The following C16orf96 variants were observed in gnomAD, a reference collection of about 807,000 sequenced individuals.
C16orf96 encodes the protein uncharacterized protein C16orf96.
Under a neutral mutation model 103.6 loss-of-function variants are expected in C16orf96, and 108 were observed. The ratio of observed to expected loss-of-function variants is 1.04; its 90% CI spans 0.89 to 1.22. The LOEUF (loss-of-function observed/expected upper bound fraction) is 1.22, where lower values mean the gene tolerates loss of function less well. C16orf96 is among the 50% of genes most tolerant of loss of function. The pLI, the probability that C16orf96 is intolerant of heterozygous loss-of-function variation, is 0.00. For missense variants in C16orf96, 1,586 were observed against 1,464.2 expected (o/e 1.08, Z -1.36); for synonymous variants, 566 against 593.5 (o/e 0.95, Z 0.67).
chr16:4,595,077 G>A (rs556381653), intron 14 of C16orf96, among the ~76,000 whole-genome samples: 8 of 152,346 alleles, frequency 5.3e-5, no homozygotes, highest in Admixed American at 5.2e-4. Context: ...CTGTGACGAA[G>A]GACGATGAGC....
intron 1 of C16orf96, chr16:4,561,758 A>G (rs841207): frequency 0.96 from 145,455 of 152,282 alleles, 69,820 homozygotes; most frequent in East Asian, 1. Flanking sequence ...TTCTAGAATG[A>G]TGCAAACTGC....
Position 4,579,995 on chromosome 16 carries a change from T to G in C16orf96, c.2242-20T>G. On this transcript the variant is annotated intron_variant, in intron 6 of 15. Coordinates refer to ENST00000444310, the MANE Select transcript of C16orf96 (RefSeq NM_001145011.2). ...ACTTCAGAAGCAGAGGCCTGGGGTGTCTGTGTCTCCCCCTTTTAGGAGGAA... is the reference window on the plus strand; with the variant it reads ...ACTTCAGAAGCAGAGGCCTGGGGTGGCTGTGTCTCCCCCTTTTAGGAGGAA... The G allele has an allele frequency of 6.5e-7, 1 of 1,532,628 alleles. No homozygotes were observed. Among genetic ancestry groups the G allele is most frequent in the East Asian group, 2.5e-5 (1 of 40,790 alleles). 94.9% of individuals were successfully genotyped at this position (1,532,628 alleles called of 1,614,324 possible).
chr16:4,552,711 T>C (rs957270016), upstream of C16orf96, among the ~76,000 whole-genome samples: 40 of 152,014 alleles, frequency 2.6e-4, no homozygotes, highest in Middle Eastern at 3.2e-3. Flanking sequence ...TGGGTCACAG[T>C]GTGTGCAATT....
chr16:4,560,856 T>C (rs1353827845), intron 1 of C16orf96: 4 of 151,684 alleles, frequency 2.6e-5, no homozygotes, highest in African/African-American at 4.8e-5. Context: ...AGTAAAATGA[T>C]ATAAAAAGAT....
chr16:4,572,257 A>G (rs1460705934), intron 2 of C16orf96, among the ~76,000 whole-genome samples: 2 of 151,686 alleles, frequency 1.3e-5, no homozygotes, highest in African/African-American at 2.4e-5. Context: ...TCATTTACTA[A>G]AAGGTCCAGG....
intron 11 of C16orf96, 119 bp downstream of exon 11, chr16:4,592,486 C>A: frequency 8.4e-7 from 1 of 1,185,286 alleles, no homozygotes; most frequent in Non-Finnish European, 1.2e-6. Context: ...CATCCATATA[C>A]AGCATTCTCT....
intron 13 of C16orf96, 85 bp downstream of exon 13, chr16:4,594,595 G>C: frequency 1.3e-6 from 2 of 1,536,976 alleles, no homozygotes; most frequent in Non-Finnish European, 1.8e-6. Flanking sequence ...TGAGCAGTGG[G>C]CAACCCCAGC....
chr16:4,589,047 G>A (rs1253354248), intron 9 of C16orf96, among the ~76,000 whole-genome samples: 1 of 152,168 alleles, frequency 6.6e-6, no homozygotes, highest in Admixed American at 6.6e-5. Context: ...CTGGCAGTCA[G>A]TAAACGATGA....
intron 1 of C16orf96, among the ~76,000 whole-genome samples, chr16:4,564,874 G>C (rs1479636143): frequency 6.6e-6 from 1 of 152,206 alleles, no homozygotes; most frequent in African/African-American, 2.4e-5. Context: ...ATTGCTTAAA[G>C]GTGTGGAAGA....
intron 5 of C16orf96, among the ~76,000 whole-genome samples, chr16:4,578,591 C>G (rs747290210): frequency 1.3e-5 from 2 of 152,000 alleles, no homozygotes; most frequent in Non-Finnish European, 2.9e-5. Context: ...AACCCTGTCT[C>G]TACTAAAAAT....
chr16:4,587,699 C>G (rs1264499590), intron 8 of C16orf96, among the ~76,000 whole-genome samples: 1 of 152,034 alleles, frequency 6.6e-6, no homozygotes, highest in East Asian at 1.9e-4. Flanking sequence ...CTTTGGGAGG[C>G]CGAGAAGATA....
chr16:4,583,856 C>T (rs113976171), intron 7 of C16orf96, among the ~76,000 whole-genome samples: 8 of 135,626 alleles, frequency 5.9e-5, no homozygotes, highest in African/African-American at 1.4e-4. Flanking sequence ...GCTCAGGAGG[C>T]GGAGGCTGCA....
At chr16:4,549,489 AAC>A in the C16orf96 span, among the ~76,000 whole-genome samples, 204 of 151,024 alleles carry the variant, frequency 1.4e-3, 3 homozygotes, top group African/African-American at 4.8e-3. Flanking sequence ...AAAAAAAAAA[AAC>A]AACCAACCAG....
intron 14 of C16orf96, among the ~76,000 whole-genome samples, chr16:4,596,569 C>A (rs894851919): frequency 6.6e-6 from 1 of 151,916 alleles, no homozygotes; most frequent in Admixed American, 6.6e-5. Context: ...GTAGTCCCAG[C>A]TTCTCAGGAG....
the C16orf96 span, among the ~76,000 whole-genome samples, chr16:4,541,388 T>C: frequency 6.6e-6 from 1 of 152,228 alleles, no homozygotes; most frequent in Admixed American, 6.5e-5. Context: ...GACATAACGA[T>C]CCTGCACATT....
chr16:4,589,162 G>A (rs530048873), intron 9 of C16orf96, among the ~76,000 whole-genome samples: 6 of 152,216 alleles, frequency 3.9e-5, no homozygotes, highest in South Asian at 4.1e-4. Flanking sequence ...CCTCCAGGGC[G>A]GTCGCCAACC....
chr16:4,538,787 G>A, the C16orf96 span: 1 of 152,200 alleles, frequency 6.6e-6, no homozygotes. Context: ...ACAAGGAGGC[G>A]GGTAGACTTT....
chr16:4,587,215 C>T (rs184715559), intron 8 of C16orf96, 102 bp downstream of exon 8: 3 of 1,147,632 alleles, frequency 2.6e-6, no homozygotes, highest in Admixed American at 2.1e-5. Flanking sequence ...TTTCCCTCCC[C>T]CTTTGTTCAT....
intron 1 of C16orf96, among the ~76,000 whole-genome samples, chr16:4,565,571 C>A (rs907510204): frequency 6.6e-6 from 1 of 152,234 alleles, no homozygotes; most frequent in African/African-American, 2.4e-5. Flanking sequence ...TCACTGCAAC[C>A]TCCACCTCCT....
Sources: gnomAD v4.1 joint callset for allele counts (sites outside exome capture counted in the v4.1 genomes callset) on GRCh38, gnomAD v4.1.1 for gene constraint, MANE v1.5 for transcripts, NCBI Gene and HGNC (gene_info 2026-07-23, HGNC 2026-07-21) for gene names.